Variants in NAV2 observed in about 807,000 individuals in gnomAD.
NAV2 encodes helicase, APC down-regulated 1.
A neutral mutation model predicts 223.2 loss-of-function variants in NAV2; 54 were observed. The observed-to-expected ratio is 0.24, with a 90% CI of 0.19 to 0.30. NAV2 has a LOEUF of 0.30. NAV2 is among the 10% of genes least tolerant of loss of function. The pLI, the probability that NAV2 is intolerant of heterozygous loss-of-function variation, is 1.00. For synonymous variants in NAV2, 1,279 were observed against 1,239.3 expected (o/e 1.03, Z -0.67); for missense variants, 2,806 against 3,147.5 (o/e 0.89, Z 2.60).
At chr11:19,978,314 G>A (rs138961414) in intron 10 of NAV2, among the ~76,000 whole-genome samples, 1 of 152,268 alleles carries the variant, frequency 6.6e-6, no homozygotes, top group Admixed American at 6.5e-5. Flanking sequence ...ATGTCACACT[G>A]TATTATAACT....
intron 6 of NAV2, among the ~76,000 whole-genome samples, chr11:19,928,657 C>T (rs910939717): frequency 6.6e-6 from 1 of 152,154 alleles, no homozygotes; most frequent in Non-Finnish European, 1.5e-5. Flanking sequence ...ATACCTTGAC[C>T]CAGCCGGTTT....
At chr11:19,815,493 A>G (rs937383109) in intron 1 of NAV2, among the ~76,000 whole-genome samples, 17 of 152,246 alleles carry the variant, frequency 1.1e-4, no homozygotes, top group Admixed American at 7.2e-4. Context: ...GGATGAACAC[A>G]TCTTATATGC....
chr11:19,906,041 G>T (rs1032549184), intron 6 of NAV2, among the ~76,000 whole-genome samples: 2 of 152,074 alleles, frequency 1.3e-5, no homozygotes, highest in African/African-American at 4.8e-5. Context: ...AGGCTGATGG[G>T]ACGGTCTTGC....
intron 1 of NAV2, among the ~76,000 whole-genome samples, chr11:19,489,910 A>T (rs1364298768): frequency 3.3e-5 from 5 of 152,166 alleles, no homozygotes; most frequent in Admixed American, 3.3e-4. Context: ...CTGGACACAT[A>T]TTCCCACCCA....
chr11:19,832,419 C>A, intron 1 of NAV2, 65 bp from the exon 2 acceptor site: 1 of 1,290,206 alleles, frequency 7.8e-7, no homozygotes, highest in Non-Finnish European at 1.1e-6. Flanking sequence ...GCCCGAGCAG[C>A]TGCCTCAGAC....
chr11:19,675,418 G>A (rs971514134), intron 1 of NAV2, among the ~76,000 whole-genome samples: 3 of 151,960 alleles, frequency 2.0e-5, no homozygotes, highest in South Asian at 2.1e-4. Context: ...GCTCACACAC[G>A]CATGCATACA....
At chr11:19,436,013 CTG>C (rs1251230028) in intron 1 of NAV2, among the ~76,000 whole-genome samples, 1 of 152,086 alleles carries the variant, frequency 6.6e-6, no homozygotes, top group African/African-American at 2.4e-5. Flanking sequence ...CCCCCAGTCT[CTG>C]TGTCGTCTCT....
At chr11:19,994,555 A>AG (rs2051679405) in intron 11 of NAV2, among the ~76,000 whole-genome samples, 1 of 151,384 alleles carries the variant, frequency 6.6e-6, no homozygotes, top group African/African-American at 2.4e-5. Flanking sequence ...TCTCAAAGAA[A>AG]AAAAAAAAAA....
intron 1 of NAV2, among the ~76,000 whole-genome samples, chr11:19,753,469 A>G (rs1225113511): frequency 2.0e-5 from 3 of 152,206 alleles, no homozygotes; most frequent in Non-Finnish European, 4.4e-5. Flanking sequence ...GACTGGAGAC[A>G]TAGAATTCCT....
At chr11:19,424,716 T>C (rs1850756038) in intron 1 of NAV2, among the ~76,000 whole-genome samples, 1 of 151,838 alleles carries the variant, frequency 6.6e-6, no homozygotes, top group African/African-American at 2.4e-5. Context: ...TCTGGCTATT[T>C]TTTTTTGTAT....
At chr11:19,601,813 A>G (rs2046357533) in intron 1 of NAV2, among the ~76,000 whole-genome samples, 2 of 152,254 alleles carry the variant, frequency 1.3e-5, no homozygotes, top group Non-Finnish European at 2.9e-5. Context: ...AACTTGCTCA[A>G]GCCAGGTTAT....
chr11:19,863,271 A>G (rs867292197), intron 3 of NAV2, among the ~76,000 whole-genome samples: 11 of 152,178 alleles, frequency 7.2e-5, no homozygotes, highest in Middle Eastern at 3.2e-3. Context: ...ACATGCCCCA[A>G]TGTGGCCCCA....
chr11:19,773,500 T>C (rs976070985), intron 1 of NAV2, among the ~76,000 whole-genome samples: 2 of 152,118 alleles, frequency 1.3e-5, no homozygotes, highest in Non-Finnish European at 2.9e-5. Context: ...GGACAACAGC[T>C]GGAAGGCACC....
intron 10 of NAV2, among the ~76,000 whole-genome samples, chr11:19,962,890 C>G (rs541712124): frequency 6.6e-6 from 1 of 152,336 alleles, no homozygotes; most frequent in South Asian, 2.1e-4. Context: ...GTTATCTCCA[C>G]TGCATCACTG....
intron 6 of NAV2, among the ~76,000 whole-genome samples, chr11:19,905,012 AT>A (rs1185773319): frequency 6.6e-6 from 1 of 152,166 alleles, no homozygotes; most frequent in Admixed American, 6.5e-5. Flanking sequence ...CCCACAGTTT[AT>A]TAGAGTTCCC....
intron 27 of NAV2, among the ~76,000 whole-genome samples, 168 bp from the exon 28 acceptor site, chr11:20,092,038 T>C (rs1468885945): frequency 2.6e-5 from 4 of 152,202 alleles, no homozygotes; most frequent in Non-Finnish European, 5.9e-5. Flanking sequence ...GCATGTCTTA[T>C]GTCTACCGCA....
rs544826202 is a variant in NAV2, at chr11:20,044,210, G to T, written c.3137G>T (p.Gly1046Val). 18 of 1,614,032 alleles carry T rather than the reference G, an allele frequency of 1.1e-5. No individual in the cohort carries two copies. The South Asian group carries it at 1.8e-4, about 16-fold the overall frequency. ...SWRRGMTAQV[G>V]ITMPRTKPSA... Reference sequence around the variant, plus strand: ...CGGCGAGGCATGACAGCTCAGGTGGGCATCACCATGCCAAGGACGAAGCCT... The same window carrying T: ...CGGCGAGGCATGACAGCTCAGGTGGTCATCACCATGCCAAGGACGAAGCCT... The change falls in exon 13 of 38, where the codon GGC (glycine) becomes GTC (valine). Residue 1046 changes from glycine to valine, a missense_variant. Gly to Val is a moderately radical substitution (Grantham distance 109). Transcript: ENST00000349880.
At chr11:20,066,314 C>G (rs553308264) in intron 20 of NAV2, among the ~76,000 whole-genome samples, 1 of 152,270 alleles carries the variant, frequency 6.6e-6, no homozygotes, top group Non-Finnish European at 1.5e-5. Flanking sequence ...GATGGACAGA[C>G]AAAGACAAAT....
At chr11:19,759,629 G>A (rs1383502465) in intron 1 of NAV2, among the ~76,000 whole-genome samples, 1 of 152,122 alleles carries the variant, frequency 6.6e-6, no homozygotes, top group African/African-American at 2.4e-5. Context: ...GTACTCCTGG[G>A]GTTGGCTCCC....
Sources: allele counts gnomAD v4.1 joint callset (sites outside exome capture counted in the v4.1 genomes callset), GRCh38; gene constraint gnomAD v4.1.1; transcripts MANE v1.5; gene names NCBI Gene and HGNC (gene_info 2026-07-23, HGNC 2026-07-21).